Variants in DLC1 observed in about 807,000 individuals in gnomAD.
DLC1 encodes DLC1 Rho GTPase activating protein, also known as rho GTPase-activating protein 7.
Under a neutral mutation model 140.3 loss-of-function variants are expected in DLC1, and 54 were observed. That is an observed-to-expected ratio of 0.38 (90% CI 0.31 to 0.48). The LOEUF (loss-of-function observed/expected upper bound fraction) is 0.48, where lower values mean the gene tolerates loss of function less well. DLC1 is among the 20% of genes least tolerant of loss of function. DLC1 has a pLI of 0.96. For synonymous variants in DLC1, 986 were observed against 728.1 expected (o/e 1.35, Z -5.70); for missense variants, 2,536 against 1,907.0 (o/e 1.33, Z -6.14).
chr8:13,354,952 CA>C (rs33950865), intron 4 of DLC1, among the ~76,000 whole-genome samples: 78,678 of 106,884 alleles, frequency 0.74, 26,787 homozygotes, highest in Middle Eastern at 0.83. Flanking sequence ...GACACTGGCT[CA>C]AAAAAAAAAA....
At chr8:13,507,059 G>T (rs991555476) in intron 1 of DLC1, among the ~76,000 whole-genome samples, 1 of 152,160 alleles carries the variant, frequency 6.6e-6, no homozygotes, top group East Asian at 1.9e-4. Context: ...GATCACAGGA[G>T]CACAACTTAA....
At chr8:13,407,076 A>C (rs953529555) in intron 2 of DLC1, among the ~76,000 whole-genome samples, 3 of 152,216 alleles carry the variant, frequency 2.0e-5, no homozygotes, top group African/African-American at 7.2e-5. Flanking sequence ...GACATAGGTC[A>C]ATAGATACGA....
intron 5 of DLC1, among the ~76,000 whole-genome samples, chr8:13,302,256 C>T (rs1365029407): frequency 6.6e-6 from 1 of 152,188 alleles, no homozygotes; most frequent in Admixed American, 6.5e-5. Flanking sequence ...TATCCTCCAA[C>T]TAGAGTTTGA....
At chr8:13,236,079 G>C (rs1187869952) in intron 5 of DLC1, among the ~76,000 whole-genome samples, 2 of 151,912 alleles carry the variant, frequency 1.3e-5, no homozygotes, top group Non-Finnish European at 2.9e-5. Flanking sequence ...AATATATTCT[G>C]TGAATATAAA....
At chr8:13,550,579 C>T (rs1803812727) in intron 1 of DLC1, among the ~76,000 whole-genome samples, 1 of 152,082 alleles carries the variant, frequency 6.6e-6, no homozygotes, top group African/African-American at 2.4e-5. Context: ...TGGTTTTCTG[C>T]AGGAGCATTT....
At chr8:13,443,068 G>A (rs1322736337) in intron 2 of DLC1, among the ~76,000 whole-genome samples, 3 of 151,966 alleles carry the variant, frequency 2.0e-5, no homozygotes, top group Non-Finnish European at 4.4e-5. Context: ...CATGGATGAA[G>A]CTGGAAACCA....
At chr8:13,177,766 A>G (rs1217506848) in intron 5 of DLC1, among the ~76,000 whole-genome samples, 1 of 152,224 alleles carries the variant, frequency 6.6e-6, no homozygotes, top group Non-Finnish European at 1.5e-5. Flanking sequence ...TGGACAGAGA[A>G]TCATGTAAAA....
chr8:13,369,876 C>T (rs1001115400), intron 4 of DLC1, among the ~76,000 whole-genome samples: 7 of 149,202 alleles, frequency 4.7e-5, no homozygotes, highest in African/African-American at 1.7e-4. Context: ...GGCTTCTCAT[C>T]TCACTCAGAA....
intron 4 of DLC1, among the ~76,000 whole-genome samples, chr8:13,357,745 G>A (rs1563281379): frequency 6.6e-6 from 1 of 152,124 alleles, no homozygotes; most frequent in Admixed American, 6.5e-5. Context: ...AGATATGTTT[G>A]CAATAGATAT....
At chr8:13,461,953 A>G (rs939216745) in intron 2 of DLC1, among the ~76,000 whole-genome samples, 16 of 152,206 alleles carry the variant, frequency 1.1e-4, no homozygotes, top group African/African-American at 3.9e-4. Flanking sequence ...ATCTCTGGTC[A>G]TATCTTGCTC....
At chr8:13,412,659 T>C (rs990294753) in intron 2 of DLC1, among the ~76,000 whole-genome samples, 4 of 151,948 alleles carry the variant, frequency 2.6e-5, no homozygotes, top group African/African-American at 9.7e-5. Flanking sequence ...TGTCCCTTTG[T>C]GCGGTGGCTC....
chr8:13,114,359 C>T (rs1373015928), intron 6 of DLC1, among the ~76,000 whole-genome samples: 1 of 152,184 alleles, frequency 6.6e-6, no homozygotes, highest in African/African-American at 2.4e-5. Flanking sequence ...GAGACTCCGT[C>T]TCAAAACAAA....
chr8:13,564,633 A>C (rs1257632410), intron 1 of DLC1, among the ~76,000 whole-genome samples: 1 of 152,212 alleles, frequency 6.6e-6, no homozygotes, highest in East Asian at 1.9e-4. Context: ...ACAGATGCTG[A>C]AAGTTTGCTT....
intron 5 of DLC1, among the ~76,000 whole-genome samples, chr8:13,188,844 T>TATATATATATGTATATATATATATATATA (rs1491498157): frequency 3.9e-5 from 1 of 25,840 alleles, no homozygotes; most frequent in Non-Finnish European, 8.2e-5. Context: ...TATATATATA[T>TATATATATATGTATATATATATATATATA]TTTTTTTTTT....
chr8:13,093,105 C>T (rs1818219209), intron 12 of DLC1, among the ~76,000 whole-genome samples: 3 of 151,770 alleles, frequency 2.0e-5, no homozygotes, highest in Admixed American at 1.3e-4. Flanking sequence ...TAGAGGATGC[C>T]TGCTCTTTTA....
Position 13,541,604 on chromosome 8 carries a change from C to T in DLC1, c.-125-41408G>A, listed in dbSNP as rs1803486089. ...TCACTCTGTCGCCAAGGCTGGTGTG[C>T]AGTGGCGCGATCTCGGCTCACTGCA... On this transcript the variant is annotated intron_variant, in intron 1 of 1. Coordinates refer to the DLC1 transcript ENST00000631382. 2.0e-5 allele frequency among the ~76,000 whole-genome samples: 3 copies of T among 152,272 alleles called. No homozygotes were observed. The South Asian group carries it at 6.2e-4, about 32-fold the overall frequency.
At chr8:13,201,978 GCT>G (rs1827410756) in intron 5 of DLC1, among the ~76,000 whole-genome samples, 1 of 122,110 alleles carries the variant, frequency 8.2e-6, no homozygotes, top group Non-Finnish European at 1.6e-5. Context: ...ACAGAGTCTT[GCT>G]CTGTCACCAG....
chr8:13,517,099 T>G (rs779621296), upstream of DLC1, among the ~76,000 whole-genome samples: 2 of 152,184 alleles, frequency 1.3e-5, no homozygotes, highest in Non-Finnish European at 2.9e-5. Flanking sequence ...TATTTGTGTA[T>G]TTATGTTTAT....
intron 1 of DLC1, among the ~76,000 whole-genome samples, chr8:13,510,328 C>T (rs1226663140): frequency 6.6e-6 from 1 of 152,056 alleles, no homozygotes; most frequent in Non-Finnish European, 1.5e-5. Context: ...TGCCTGCTAC[C>T]ATGCCTGGCT....
Sources: gnomAD v4.1 joint callset for allele counts (sites outside exome capture counted in the v4.1 genomes callset) on GRCh38, gnomAD v4.1.1 for gene constraint, MANE v1.5 for transcripts, NCBI Gene and HGNC (gene_info 2026-07-23, HGNC 2026-07-21) for gene names.